The following CAMSAP2 variants were observed in gnomAD, a reference collection of about 807,000 sequenced individuals.
CAMSAP2 encodes calmodulin-regulated spectrin-associated protein 2.
Under a neutral mutation model 146.1 loss-of-function variants are expected in CAMSAP2, and 26 were observed. That is an observed-to-expected ratio of 0.18 (90% CI 0.13 to 0.25). The LOEUF (loss-of-function observed/expected upper bound fraction) is 0.25, where lower values mean the gene tolerates loss of function less well. Ranked by LOEUF, CAMSAP2 falls within the 10% of genes least tolerant of loss-of-function variation. CAMSAP2 has a pLI of 1.00. For missense variants in CAMSAP2, 1,381 were observed against 1,759.3 expected, an observed-to-expected ratio of 0.78 and a Z score of 3.85; for synonymous variants, 499 against 596.6, an observed-to-expected ratio of 0.84 and a Z score of 2.38.
At chr1:200,778,914 G>A (rs556172909) in intron 2 of CAMSAP2, among the ~76,000 whole-genome samples, 13 of 152,144 alleles carry the variant, frequency 8.5e-5, no homozygotes, top group Middle Eastern at 3.4e-3. Context: ...TATGACCTAC[G>A]GCTCTTGGCG....
At chr1:200,822,381 A>G (rs1430438956) in intron 4 of CAMSAP2, among the ~76,000 whole-genome samples, 1 of 152,172 alleles carries the variant, frequency 6.6e-6, no homozygotes. Context: ...TCTTCTTTAA[A>G]CTGAAGCAGT....
chr1:200,742,590 TA>T (rs1368835108), intron 1 of CAMSAP2, among the ~76,000 whole-genome samples: 2 of 152,198 alleles, frequency 1.3e-5, no homozygotes, highest in East Asian at 3.8e-4. Context: ...GAAAGGTTAA[TA>T]GATAGCATAT....
intron 3 of CAMSAP2, among the ~76,000 whole-genome samples, chr1:200,809,947 C>G (rs1325980333): frequency 6.6e-6 from 1 of 152,162 alleles, no homozygotes; most frequent in Non-Finnish European, 1.5e-5. Context: ...TCTTCCCCGT[C>G]TTACAAAGCT....
At chr1:200,764,120 T>C (rs1026307369) in intron 2 of CAMSAP2, among the ~76,000 whole-genome samples, 3 of 152,154 alleles carry the variant, frequency 2.0e-5, no homozygotes, top group African/African-American at 7.2e-5. Context: ...TAAGAGTTAA[T>C]GTAAATTAAC....
intron 4 of CAMSAP2, among the ~76,000 whole-genome samples, chr1:200,817,794 C>T (rs1666647220): frequency 6.6e-6 from 1 of 152,220 alleles, no homozygotes; most frequent in African/African-American, 2.4e-5. Context: ...ATTTGGTTAA[C>T]TGACTGGCTC....
chr1:200,842,006 G>C lies in CAMSAP2; in HGVS notation c.940G>C (p.Val314Leu), dbSNP rs1250577758. 1 of 1,612,302 alleles carries C rather than the reference G, an allele frequency of 6.2e-7. No individual in the cohort carries two copies. The highest frequency in any genetic ancestry group is 8.5e-7 in the Non-Finnish European group (1 of 1,178,630). Residue 314 changes from valine (V) to leucine (L), a missense_variant, in exon 7 of 17, where the codon GTG (valine) becomes CTG (leucine). Physicochemically the swap from Val to Leu is conservative, Grantham distance 32. Around this residue, in one of 4 missense-constraint regions of CAMSAP2, gnomAD observed 284 missense variants for 406.9 expected, o/e 0.70. Transcript: ENST00000358823. ...AASSIKSNYL[V>L]FMAELFWWFE... Reference sequence around the variant, plus strand: ...ATTTCCTATATAGAGTAATTATTTGGTGTTCATGGCGGAACTGTTCTGGTG... The same window carrying C: ...ATTTCCTATATAGAGTAATTATTTGCTGTTCATGGCGGAACTGTTCTGGTG...
At chr1:200,850,812 G>A (rs980890027) in intron 11 of CAMSAP2, among the ~76,000 whole-genome samples, 2 of 152,128 alleles carry the variant, frequency 1.3e-5, no homozygotes, top group African/African-American at 4.8e-5. Flanking sequence ...TGCCATTCCA[G>A]TCTTCATACT....
At chr1:200,811,321 A>G (rs919607799) in intron 3 of CAMSAP2, among the ~76,000 whole-genome samples, 10 of 152,138 alleles carry the variant, frequency 6.6e-5, no homozygotes, top group African/African-American at 2.4e-4. Flanking sequence ...TCCAGGGCTC[A>G]GCCAAGAGTT....
chr1:200,787,948 A>G (rs1307892074), intron 2 of CAMSAP2, among the ~76,000 whole-genome samples: 1 of 152,202 alleles, frequency 6.6e-6, no homozygotes, highest in Non-Finnish European at 1.5e-5. Context: ...TAAGTTAGGT[A>G]CATTGGTTTT....
chr1:200,775,993 A>G (rs1293806418), intron 2 of CAMSAP2, among the ~76,000 whole-genome samples: 1 of 152,170 alleles, frequency 6.6e-6, no homozygotes, highest in African/African-American at 2.4e-5. Flanking sequence ...AAAACAAAAA[A>G]AAAAAGAAAA....
rs1048092236 is a variant in CAMSAP2, at chr1:200,771,054, G to A, written c.399+9956G>A. ...GTGGATTATACCATGTATTGATTCC[G>A]GAAAGACTAACAGAGAATATGAGCA... On this transcript the variant is annotated intron_variant, in intron 2 of 16. Coordinates refer to ENST00000358823, the MANE Select transcript of CAMSAP2 (RefSeq NM_203459.4). Among the ~76,000 whole-genome samples, 10 of 151,916 alleles carry A rather than the reference G, an allele frequency of 6.6e-5. No individual in the cohort carries two copies. The East Asian group carries it at 1.2e-3, about 18-fold the overall frequency.
At chr1:200,772,947 C>T (rs1665157106) in intron 2 of CAMSAP2, among the ~76,000 whole-genome samples, 1 of 152,064 alleles carries the variant, frequency 6.6e-6, no homozygotes, top group African/African-American at 2.4e-5. Context: ...ACTTAAAATG[C>T]CATATATATT....
intron 6 of CAMSAP2, among the ~76,000 whole-genome samples, chr1:200,834,392 A>T (rs1410426910): frequency 6.6e-6 from 1 of 152,086 alleles, no homozygotes; most frequent in African/African-American, 2.4e-5. Context: ...TATCATCATC[A>T]CGAATAGATT....
At position 200,739,688 on chromosome 1, in the gene CAMSAP2, T is replaced by G; in HGVS notation, c.-140T>G. On this transcript the variant is annotated 5_prime_UTR_variant, in exon 1 of 17. Transcript: ENST00000358823. The surrounding 1 kb of genome is among the most constrained non-coding windows in gnomAD (Gnocchi z 4.8). ...CGCGCGGCGCGGACAGCTGAGCTTCTCCTCCGTCGGCGCCCGGGCGGACAT... is the reference window on the plus strand; with the variant it reads ...CGCGCGGCGCGGACAGCTGAGCTTCGCCTCCGTCGGCGCCCGGGCGGACAT... The G allele has an allele frequency of 1.3e-6, 1 of 742,424 alleles. No homozygotes were observed. Among genetic ancestry groups the G allele is most frequent in the Non-Finnish European group, 1.9e-6 (1 of 526,568 alleles). The allele number at this position is 742,424 out of a possible 1,614,324, so 46.0% of individuals were successfully genotyped here.
chr1:200,816,283 A>G (rs1245483714), intron 4 of CAMSAP2, among the ~76,000 whole-genome samples: 1 of 141,316 alleles, frequency 7.1e-6, no homozygotes, highest in African/African-American at 2.7e-5. Flanking sequence ...GCGAGACTCC[A>G]TCTCAAACAA....
At chr1:200,784,271 A>G (rs1665525804) in intron 2 of CAMSAP2, among the ~76,000 whole-genome samples, 2 of 152,002 alleles carry the variant, frequency 1.3e-5, no homozygotes, top group Non-Finnish European at 2.9e-5. Context: ...GGTTCTTTGC[A>G]TTTCCATATA....
At chr1:200,749,844 T>C (rs554368288) in intron 1 of CAMSAP2, among the ~76,000 whole-genome samples, 2 of 152,312 alleles carry the variant, frequency 1.3e-5, no homozygotes, top group African/African-American at 4.8e-5. Flanking sequence ...AATGGATCAC[T>C]GGCCCCTGAG....
intron 2 of CAMSAP2, among the ~76,000 whole-genome samples, chr1:200,791,130 C>A (rs771201061): frequency 4.6e-5 from 7 of 152,302 alleles, no homozygotes; most frequent in Non-Finnish European, 8.8e-5. Context: ...CAGGCGTGAG[C>A]CACTGCATCC....
chr1:200,780,938 C>T (rs746731777), intron 2 of CAMSAP2, among the ~76,000 whole-genome samples: 32 of 152,152 alleles, frequency 2.1e-4, no homozygotes, highest in Non-Finnish European at 4.0e-4. Flanking sequence ...GGAACAGTTA[C>T]GATTATGTCA....
Sources: allele counts gnomAD v4.1 joint callset (sites outside exome capture counted in the v4.1 genomes callset), GRCh38; gene constraint gnomAD v4.1.1; regional missense constraint gnomAD v4.1.1; non-coding constraint Gnocchi (gnomAD v3.1); transcripts MANE v1.5; gene names NCBI Gene and HGNC (gene_info 2026-07-23, HGNC 2026-07-21).